The following SIN3A variants were observed in gnomAD, a reference collection of about 807,000 sequenced individuals.
SIN3A encodes SIN3 transcription regulator family member A.
A neutral mutation model predicts 146.1 loss-of-function variants in SIN3A; 14 were observed. The ratio of observed to expected loss-of-function variants is 0.10; its 90% CI spans 0.06 to 0.15. The LOEUF is 0.15. Ranked by LOEUF, SIN3A falls within the 10% of genes least tolerant of loss-of-function variation. The pLI is 1.00. For synonymous variants in SIN3A, 572 were observed against 572.0 expected (o/e 1.00, Z 0.00); for missense variants, 1,028 against 1,576.0 (o/e 0.65, Z 5.89).
chr15:75,401,452 T>C (rs2073410517), intron 10 of SIN3A, among the ~76,000 whole-genome samples: 1 of 152,042 alleles, frequency 6.6e-6, no homozygotes, highest in Non-Finnish European at 1.5e-5. Context: ...GAGAATCACC[T>C]GAACCCAGGA....
rs2141349669 is a variant in SIN3A at position 75,369,609 on chromosome 15, G to A, written c.*2370C>T. On this transcript the variant is annotated 3_prime_UTR_variant, in exon 21 of 21. Transcript: ENST00000394947. ...GGCTGTAGGTAAAACTTACTCTTTT[G>A]TTGGTTGCACTGGTGGGTTGGGACT... The A allele has an allele frequency of 6.6e-6, 1 of 152,310 alleles. No individual in the cohort carries two copies. Among genetic ancestry groups the A allele is most frequent in the Middle Eastern group, 3.4e-3 (1 of 294 alleles). The allele number at this position is 152,310 out of a possible 1,614,324, so 9.4% of individuals were successfully genotyped here.
At chr15:75,426,589 G>A (rs188078428) in intron 2 of SIN3A, among the ~76,000 whole-genome samples, 16 of 152,236 alleles carry the variant, frequency 1.1e-4, no homozygotes, top group Admixed American at 9.2e-4. Flanking sequence ...AATGAAAAGA[G>A]CAAACAGCAC....
intron 3 of SIN3A, chr15:75,415,710 G>GCT (rs1221573088): frequency 6.1e-6 from 1 of 162,786 alleles, no homozygotes; most frequent in Non-Finnish European, 1.3e-5. Context: ...AATTAGCCAG[G>GCT]CATGGTGGCG....
rs1458727748 is a variant in SIN3A at position 75,392,828 on chromosome 15, A to C, written c.2278-13T>G. The C allele has an allele frequency of 6.3e-7, 1 of 1,576,412 alleles. No individual in the cohort carries two copies. The highest frequency in any genetic ancestry group is 8.7e-7 in the Non-Finnish European group (1 of 1,155,902). The stretch of plus-strand genomic sequence containing the variant: ...CCTGCTCTTGCCTCTGATGGGACAG[A>C]GACACAAAAGTATTCTGTGAGATGT... On this transcript the variant is annotated splice_polypyrimidine_tract_variant and intron_variant, in intron 14 of 20. Coordinates refer to ENST00000394947, the MANE Select transcript of SIN3A (RefSeq NM_001145358.2).
At chr15:75,411,394 C>T (rs2073636026) in intron 6 of SIN3A, 98 bp downstream of exon 6, 2 of 1,239,066 alleles carry the variant, frequency 1.6e-6, no homozygotes, top group Non-Finnish European at 2.2e-6. Flanking sequence ...GGTTAATTTC[C>T]AGTATGAATT....
intron 16 of SIN3A, among the ~76,000 whole-genome samples, chr15:75,386,978 T>C (rs1488854521): frequency 6.6e-6 from 1 of 152,198 alleles, no homozygotes; most frequent in African/African-American, 2.4e-5. Context: ...GCTAATTTTT[T>C]GTATTTTTAA....
chr15:75,396,780 C>T (rs760406122), intron 12 of SIN3A, among the ~76,000 whole-genome samples: 1 of 152,138 alleles, frequency 6.6e-6, no homozygotes, highest in East Asian at 1.9e-4. Context: ...GTAGTTATTA[C>T]CACCACCGTC....
chr15:75,371,877 T>G lies in SIN3A; in HGVS notation c.*102A>C. On this transcript the variant is annotated 3_prime_UTR_variant, in exon 21 of 21. Coordinates refer to ENST00000394947, the MANE Select transcript of SIN3A (RefSeq NM_001145358.2). ...GTGGCCATGTCCCAGAGAGGCCCAG[T>G]GAGGCTTGAAAGGCATCTTCCTTGT... 9.3e-7 allele frequency: 1 copy of G among 1,073,070 alleles called. No homozygotes were observed. The highest frequency in any genetic ancestry group is 1.4e-6 in the Non-Finnish European group (1 of 723,500). The allele number at this position is 1,073,070 out of a possible 1,614,324, so 66.5% of individuals were successfully genotyped here. A position where few individuals can be genotyped will look rare whatever the true frequency, so the allele number is the denominator to read the frequency against.
rs2073639344 is a variant in SIN3A, at chr15:75,411,600, T to C, written c.900A>G (p.Gln300=). Residue 300 remains glutamine (Q), a synonymous_variant, in exon 6 of 21, where the codon CAA becomes CAG. Coordinates refer to ENST00000394947, the MANE Select transcript of SIN3A (RefSeq NM_001145358.2). ...TGATGGCATGATTAAACTCCACAGG[T>C]TGATTGTTCTGCAAGGATGGGGCCG... The part of the protein sequence containing the change: ...LGTAPSLQNN[Q]PVEFNHAINY... The C allele has an allele frequency of 6.2e-7, 1 of 1,613,936 alleles. No homozygotes were observed. Among genetic ancestry groups the C allele is most frequent in the Non-Finnish European group, 8.5e-7 (1 of 1,180,012 alleles).
At chr15:75,426,710 A>C (rs1253791683) in intron 2 of SIN3A, among the ~76,000 whole-genome samples, 1 of 152,186 alleles carries the variant, frequency 6.6e-6, no homozygotes, top group Non-Finnish European at 1.5e-5. Context: ...CGGGCAGATC[A>C]CTTGAGTCCA....
intron 14 of SIN3A, among the ~76,000 whole-genome samples, chr15:75,393,936 T>C (rs904381176): frequency 2.0e-5 from 3 of 152,042 alleles, no homozygotes; most frequent in African/African-American, 4.8e-5. Context: ...TTCTGCCGAG[T>C]AGCTGGGACT....
At chr15:75,381,568 C>T in intron 18 of SIN3A, 45 bp downstream of exon 18, 1 of 1,474,306 alleles carries the variant, frequency 6.8e-7, no homozygotes, top group Non-Finnish European at 9.5e-7. Context: ...TCAAGGCACG[C>T]CAGCTCTGCT....
chr15:75,424,162 G>A (rs2073886059), intron 2 of SIN3A, among the ~76,000 whole-genome samples: 1 of 152,060 alleles, frequency 6.6e-6, no homozygotes, highest in Non-Finnish European at 1.5e-5. Flanking sequence ...GCCGGGCGTG[G>A]TGGCTCATGC....
In SIN3A at chr15:75,448,810, G is replaced by A. The variant is rs1015182211; in HGVS notation, c.-34+2613C>T. Among the ~76,000 whole-genome samples the A allele has an allele frequency of 2.9e-4, 44 of 152,042 alleles. 1 individual carries two copies. The highest frequency in any genetic ancestry group is 2.2e-4 in the Non-Finnish European group (15 of 68,020). ...CTCCAGTGTCTTGTCTGCTCCCACT[G>A]AAGATGTAAAAAGAATTATACTTCA... On this transcript the variant is annotated intron_variant, in intron 1 of 20. Transcript: ENST00000394947.
intron 1 of SIN3A, among the ~76,000 whole-genome samples, chr15:75,433,386 T>G (rs2074048478): frequency 6.6e-6 from 1 of 152,156 alleles, no homozygotes; most frequent in African/African-American, 2.4e-5. Context: ...GTACTATGGT[T>G]TATTCTGATA....
At chr15:75,442,566 C>G (rs61309790) in intron 1 of SIN3A, among the ~76,000 whole-genome samples, 22 of 146,140 alleles carry the variant, frequency 1.5e-4, no homozygotes, top group African/African-American at 5.6e-4. Context: ...ACAGCTTGAG[C>G]TCAGGAATTT....
Position 75,383,690 on chromosome 15 carries a change from G to A in SIN3A, c.3195+574C>T, listed in dbSNP as rs555492046. On this transcript the variant is annotated intron_variant, in intron 17 of 20. Coordinates refer to ENST00000394947, the MANE Select transcript of SIN3A (RefSeq NM_001145358.2). ...ACTACAGACGCCCACCACTACGCCC[G>A]GCTAATTTTTTGTATTTTTAGTAGA... Among the ~76,000 whole-genome samples, 11 of 152,202 alleles carry A rather than the reference G, an allele frequency of 7.2e-5. No individual in the cohort carries two copies. In the East Asian group the frequency reaches 7.7e-4, roughly 11 times the overall value.
intron 13 of SIN3A, among the ~76,000 whole-genome samples, 164 bp downstream of exon 13, chr15:75,396,094 C>A (rs2073298355): frequency 6.6e-6 from 1 of 152,068 alleles, no homozygotes; most frequent in South Asian, 2.1e-4. Flanking sequence ...TTACACAGGA[C>A]CCCCAAAAGA....
Position 75,392,709 on chromosome 15 carries a change from A to G in SIN3A, c.2384T>C (p.Ile795Thr). ...QILEDAAALIIHHVKRQTGIQ... is the reference protein window; with the variant it reads ...QILEDAAALITHHVKRQTGIQ... ...GCCTGTCTGCCTCTTCACATGGTGG[A>G]TAATCAGAGCAGCAGCATCTTCCAG... The change falls in exon 15 of 21, where the codon ATC becomes ACC. Residue 795 changes from isoleucine to threonine, a missense_variant. Ile to Thr is a moderately conservative substitution (Grantham distance 89, BLOSUM62 -1). This residue lies in a region of SIN3A where 488 missense variants were observed against 690.2 expected (regional missense o/e 0.71). Transcript: ENST00000394947. 2 of 1,614,206 alleles carry G rather than the reference A, an allele frequency of 1.2e-6. No individual in the cohort carries two copies. The highest frequency in any genetic ancestry group is 1.7e-6 in the Non-Finnish European group (2 of 1,180,044).
Sources: gnomAD v4.1 joint callset for allele counts (sites outside exome capture counted in the v4.1 genomes callset) on GRCh38, gnomAD v4.1.1 for gene constraint, gnomAD v4.1.1 regional missense constraint, MANE v1.5 for transcripts, NCBI Gene and HGNC (gene_info 2026-07-23, HGNC 2026-07-21) for gene names.